Variants in CCBE1 observed in about 807,000 individuals in gnomAD.
The protein encoded by CCBE1 is collagen and calcium binding EGF domains 1, also known as collagen and calcium-binding EGF domain-containing protein 1.
In CCBE1, 37 loss-of-function variants were observed where a neutral mutation model predicts 50.0. The ratio of observed to expected loss-of-function variants is 0.74; its 90% CI spans 0.57 to 0.97. The LOEUF (loss-of-function observed/expected upper bound fraction) is 0.97, where lower values mean the gene tolerates loss of function less well. CCBE1 is among the 50% of genes least tolerant of loss of function. CCBE1 has a pLI of 0.00. For missense variants in CCBE1, 538 were observed against 523.8 expected (o/e 1.03, Z -0.26); for synonymous variants, 234 against 203.7 (o/e 1.15, Z -1.27).
chr18:59,493,294 A>T (rs985979371), intron 2 of CCBE1, among the ~76,000 whole-genome samples: 11 of 152,220 alleles, frequency 7.2e-5, no homozygotes, highest in Non-Finnish European at 2.9e-5. Flanking sequence ...ATGGACATTA[A>T]TTCAGGCCTA....
chr18:59,548,556 A>C (rs569483834), intron 2 of CCBE1, among the ~76,000 whole-genome samples: 2 of 152,234 alleles, frequency 1.3e-5, no homozygotes, highest in South Asian at 4.1e-4. Flanking sequence ...CCCTCCTGAG[A>C]GACCCTACAT....
intron 2 of CCBE1, among the ~76,000 whole-genome samples, chr18:59,611,739 C>T (rs1419302497): frequency 6.6e-6 from 1 of 151,676 alleles, no homozygotes. Flanking sequence ...GAGTGCAACT[C>T]TGTCTTAAAA....
intron 2 of CCBE1, among the ~76,000 whole-genome samples, chr18:59,692,289 C>T (rs1014017838): frequency 1.3e-5 from 2 of 152,172 alleles, no homozygotes; most frequent in African/African-American, 4.8e-5. Flanking sequence ...AAGCATTTTA[C>T]ATGTATTAAG....
intron 2 of CCBE1, among the ~76,000 whole-genome samples, chr18:59,614,650 C>T (rs1394644597): frequency 6.6e-6 from 1 of 152,210 alleles, no homozygotes; most frequent in African/African-American, 2.4e-5. Context: ...AGCTCTCAAT[C>T]TTGATCTAGT....
intron 2 of CCBE1, among the ~76,000 whole-genome samples, chr18:59,624,299 G>A (rs1408713924): frequency 1.3e-5 from 2 of 152,130 alleles, no homozygotes; most frequent in African/African-American, 4.8e-5. Flanking sequence ...CCATTCCAAG[G>A]TTCTGACAGT....
intron 2 of CCBE1, among the ~76,000 whole-genome samples, chr18:59,489,723 T>G (rs1913000778): frequency 6.6e-6 from 1 of 152,020 alleles, no homozygotes; most frequent in South Asian, 2.1e-4. Flanking sequence ...CTGATTAACT[T>G]TCTCTTGGCA....
At chr18:59,515,887 G>A (rs1474385287) in intron 2 of CCBE1, among the ~76,000 whole-genome samples, 1 of 152,202 alleles carries the variant, frequency 6.6e-6, no homozygotes, top group Non-Finnish European at 1.5e-5. Context: ...TTGAGGAGAG[G>A]ACAAAAGGGG....
intron 2 of CCBE1, among the ~76,000 whole-genome samples, chr18:59,695,782 C>T (rs1208717369): frequency 6.6e-6 from 1 of 152,226 alleles, no homozygotes; most frequent in African/African-American, 2.4e-5. Flanking sequence ...TCTCCAGAGA[C>T]AGTCAGGTGT....
chr18:59,624,894 A>G (rs1396411171), intron 2 of CCBE1, among the ~76,000 whole-genome samples: 5 of 152,258 alleles, frequency 3.3e-5, no homozygotes, highest in Admixed American at 2.6e-4. Flanking sequence ...AAACATTAGC[A>G]TGGATAAAGT....
chr18:59,666,174 G>A (rs2054353533), intron 2 of CCBE1: 1 of 152,206 alleles, frequency 6.6e-6, no homozygotes, highest in Non-Finnish European at 1.5e-5. Context: ...GAGAGTTTGT[G>A]ATAGCAAGCT....
intron 2 of CCBE1, among the ~76,000 whole-genome samples, chr18:59,678,467 A>T (rs1230792955): frequency 6.6e-6 from 1 of 152,242 alleles, no homozygotes; most frequent in South Asian, 2.1e-4. Context: ...ATATCAGAAT[A>T]TTAAGAACAG....
chr18:59,645,579 G>T (rs1269893722), intron 2 of CCBE1, among the ~76,000 whole-genome samples: 3 of 152,118 alleles, frequency 2.0e-5, no homozygotes. Flanking sequence ...CCTACATTAA[G>T]ATGTTCAAAT....
At chr18:59,575,569 AG>A (rs764765684) in intron 2 of CCBE1, among the ~76,000 whole-genome samples, 16 of 152,372 alleles carry the variant, frequency 1.1e-4, no homozygotes, top group Admixed American at 5.9e-4. Context: ...ATGCTGACAA[AG>A]GATGGCAGAA....
intron 2 of CCBE1, among the ~76,000 whole-genome samples, chr18:59,584,666 G>A (rs149351638): frequency 2.3e-4 from 35 of 152,102 alleles, no homozygotes; most frequent in African/African-American, 5.8e-4. Context: ...GCACCTCCCC[G>A]TTGTCCCTCT....
intron 2 of CCBE1, among the ~76,000 whole-genome samples, chr18:59,552,411 A>G (rs1568202425): frequency 6.6e-6 from 1 of 152,182 alleles, no homozygotes; most frequent in South Asian, 2.1e-4. Flanking sequence ...GCACACACAA[A>G]AAGAACTTCT....
At chr18:59,447,883 G>C (rs953066677) in intron 7 of CCBE1, 100 bp downstream of exon 7, 3 of 1,568,934 alleles carry the variant, frequency 1.9e-6, no homozygotes, top group Non-Finnish European at 2.6e-6. Flanking sequence ...GTTTCTCCTC[G>C]ATGGAAGCTG....
chr18:59,583,042 C>G (rs1054999290), intron 2 of CCBE1, among the ~76,000 whole-genome samples: 2 of 151,932 alleles, frequency 1.3e-5, no homozygotes, highest in African/African-American at 4.8e-5. Context: ...TAGTCTTGAA[C>G]TCCTGGGCTT....
intron 2 of CCBE1, among the ~76,000 whole-genome samples, chr18:59,525,059 G>C (rs564878412): frequency 6.6e-6 from 1 of 152,154 alleles, no homozygotes; most frequent in Admixed American, 6.5e-5. Context: ...ATCTTTATAA[G>C]AGAATGATTT....
chr18:59,679,352 G>C (rs996905069), intron 2 of CCBE1, among the ~76,000 whole-genome samples: 1 of 152,184 alleles, frequency 6.6e-6, no homozygotes, highest in Non-Finnish European at 1.5e-5. Flanking sequence ...GAAAAAAAAT[G>C]TTTAATATTT....
Sources: gnomAD v4.1 joint callset for allele counts (sites outside exome capture counted in the v4.1 genomes callset) on GRCh38, gnomAD v4.1.1 for gene constraint, MANE v1.5 for transcripts, NCBI Gene and HGNC (gene_info 2026-07-23, HGNC 2026-07-21) for gene names.